SIN3B: variants seen among roughly 807,000 people sequenced by gnomAD.
The protein encoded by SIN3B is SIN3 transcription regulator family member B, also known as paired amphipathic helix protein Sin3b.
Under a neutral mutation model 120.2 loss-of-function variants are expected in SIN3B, and 19 were observed. The ratio of observed to expected loss-of-function variants is 0.16; its 90% CI spans 0.11 to 0.23. The LOEUF (loss-of-function observed/expected upper bound fraction) is 0.23. SIN3B is among the 10% of genes least tolerant of loss of function. SIN3B has a pLI of 1.00. For missense variants in SIN3B, 1,073 were observed against 1,573.0 expected, an observed-to-expected ratio of 0.68 and a Z score of 5.38; for synonymous variants, 654 against 653.2, an observed-to-expected ratio of 1.00 and a Z score of -0.02.
intron 8 of SIN3B, among the ~76,000 whole-genome samples, chr19:16,857,517 A>ACGTG (rs1462562243): frequency 3.2e-5 from 3 of 93,372 alleles, no homozygotes; most frequent in African/African-American, 1.1e-4. Context: ...TAAAAAAAAT[A>ACGTG]TGTGTGTGTG....
chr19:16,830,098 C>T (rs1391794359), intron 2 of SIN3B, among the ~76,000 whole-genome samples: 1 of 152,176 alleles, frequency 6.6e-6, no homozygotes, highest in East Asian at 1.9e-4. Flanking sequence ...GTGGGGATTC[C>T]TGGAAGCAGG....
chr19:16,875,495 CTGGTT>C (rs1178351776), intron 14 of SIN3B, among the ~76,000 whole-genome samples: 2 of 127,914 alleles, frequency 1.6e-5, no homozygotes, highest in African/African-American at 6.2e-5. Context: ...TGGGTCTGGT[CTGGTT>C]TGGTCTGGTC....
At chr19:16,844,553 CAGTT>C (rs1358592858) in intron 4 of SIN3B, among the ~76,000 whole-genome samples, 1 of 152,190 alleles carries the variant, frequency 6.6e-6, no homozygotes, top group Non-Finnish European at 1.5e-5. Context: ...CTGGGATGAA[CAGTT>C]AGTCCTGCCC....
chr19:16,833,122 G>T (rs1175785757), intron 3 of SIN3B, among the ~76,000 whole-genome samples: 2 of 152,160 alleles, frequency 1.3e-5, no homozygotes, highest in South Asian at 4.1e-4. Flanking sequence ...AAGTGGACCA[G>T]CTCTCCCAAC....
rs1188560787 is a variant in SIN3B, at chr19:16,878,712, C to T, written c.3378C>T (p.Arg1126=). The change falls in exon 19 of 19, where the codon CGC becomes CGT. Residue 1126 remains arginine (R), a synonymous_variant. Coordinates refer to ENST00000248054, the MANE Select transcript of SIN3B (RefSeq NM_001297595.2). ...VTRYRVQYSR[R]PASP The stretch of plus-strand genomic sequence containing the variant: ...GCTACCGCGTGCAGTACAGCCGCCG[C>T]CCGGCCTCGCCCTGACCCGCCCTCA... 6.2e-7 allele frequency: 1 copy of T among 1,602,026 alleles called. No individual in the cohort carries two copies. The highest frequency in any genetic ancestry group is 1.7e-5 in the Admixed American group (1 of 58,990).
At chr19:16,857,437 T>G (rs1971629566) in intron 8 of SIN3B, among the ~76,000 whole-genome samples, 2 of 152,100 alleles carry the variant, frequency 1.3e-5, no homozygotes, top group Admixed American at 1.3e-4. Flanking sequence ...GACTTTTTTT[T>G]TTGTTCTAAA....
intron 3 of SIN3B, among the ~76,000 whole-genome samples, chr19:16,837,834 A>G (rs1166580194): frequency 6.6e-6 from 1 of 151,970 alleles, no homozygotes; most frequent in Non-Finnish European, 1.5e-5. Flanking sequence ...CTCTGGGTAA[A>G]AGTGTGGGCC....
chr19:16,833,467 A>T (rs1220296558), intron 3 of SIN3B, among the ~76,000 whole-genome samples: 1 of 151,344 alleles, frequency 6.6e-6, no homozygotes, highest in African/African-American at 2.4e-5. Flanking sequence ...CCCTGTCTCT[A>T]CTAAAAGTAC....
At chr19:16,839,331 G>T (rs908898486) in intron 3 of SIN3B, among the ~76,000 whole-genome samples, 1 of 152,184 alleles carries the variant, frequency 6.6e-6, no homozygotes, top group Non-Finnish European at 1.5e-5. Context: ...CTGGGAGTGG[G>T]ATTACCAGGT....
chr19:16,841,701 G>A, intron 3 of SIN3B, 67 bp from the exon 4 acceptor site: 1 of 1,430,048 alleles, frequency 7.0e-7, no homozygotes, highest in Non-Finnish European at 9.8e-7. Context: ...ACAGTGGCTG[G>A]GCCTGGTGTT....
In SIN3B at chr19:16,862,303, T is replaced by G. The variant is rs1971699167; in HGVS notation, c.1059-49T>G. The G allele has an allele frequency of 3.4e-6, 5 of 1,488,314 alleles. No homozygotes were observed. The East Asian group carries it at 9.1e-5, about 27-fold the overall frequency. The allele number at this position is 1,488,314 out of a possible 1,614,324, so 92.2% of individuals were successfully genotyped here. A position where few individuals can be genotyped will look rare whatever the true frequency, so the allele number is the denominator to read the frequency against. ...CCATTCTAAAATCTCCAGATCCCTCTCAGAAGGCCCTGGGGATGACCAGTT... is the reference window on the plus strand; with the variant it reads ...CCATTCTAAAATCTCCAGATCCCTCGCAGAAGGCCCTGGGGATGACCAGTT... On this transcript the variant is annotated intron_variant, in intron 8 of 18. Transcript: ENST00000248054. The surrounding 1 kb of genome is among the most constrained non-coding windows in gnomAD (Gnocchi z 4.7).
chr19:16,861,828 A>C (rs1435043666), intron 8 of SIN3B, among the ~76,000 whole-genome samples: 6 of 151,638 alleles, frequency 4.0e-5, no homozygotes, highest in African/African-American at 1.5e-4. Flanking sequence ...CCAGCTACTG[A>C]GGAGGCTGCG....
rs749582841 is a variant in SIN3B at position 16,869,852 on chromosome 19, C to G, written c.2199C>G (p.His733Gln). Reference sequence around the variant, plus strand: ...CACCCCTGCCGCCCCCAGCCCCGCACAAGCCCCTGGACGATGTCTACAGCC... The same window carrying G: ...CACCCCTGCCGCCCCCAGCCCCGCAGAAGCCCCTGGACGATGTCTACAGCC... ...EQPPLPPPAP[H>Q]KPLDDVYSLF... is the part of the protein sequence containing the mutation. The change falls in exon 13 of 19, where the codon CAC (histidine) becomes CAG (glutamine). Residue 733 changes from histidine to glutamine, a missense_variant. Coordinates refer to ENST00000248054, the MANE Select transcript of SIN3B (RefSeq NM_001297595.2). 9.3e-6 allele frequency: 15 copies of G among 1,614,186 alleles called. No homozygotes were observed. The South Asian group carries it at 1.5e-4, about 17-fold the overall frequency.
intron 7 of SIN3B, among the ~76,000 whole-genome samples, 192 bp from the exon 8 acceptor site, chr19:16,853,951 A>G (rs911209274): frequency 6.6e-6 from 1 of 150,694 alleles, no homozygotes; most frequent in African/African-American, 2.4e-5. Flanking sequence ...TGCTGCATGG[A>G]TCACCTGCAC....
chr19:16,840,727 A>G (rs562377959), intron 3 of SIN3B, among the ~76,000 whole-genome samples: 1 of 152,272 alleles, frequency 6.6e-6, no homozygotes, highest in African/African-American at 2.4e-5. Context: ...GATCATCCCC[A>G]ACAGTGGGTG....
chr19:16,851,315 A>G, intron 5 of SIN3B, 97 bp from the exon 6 acceptor site: 1 of 1,433,066 alleles, frequency 7.0e-7, no homozygotes, highest in African/African-American at 1.5e-5. Flanking sequence ...ACCATTGCCC[A>G]CCGGGCTGTG....
In SIN3B at chr19:16,880,142, G is replaced by A. The variant is rs2051675539; in HGVS notation, c.*1415G>A. On this transcript the variant is annotated 3_prime_UTR_variant, in exon 19 of 19. Coordinates refer to ENST00000248054, the MANE Select transcript of SIN3B (RefSeq NM_001297595.2). Reference sequence around the variant, plus strand: ...CCTGTACCAGGCCCACGGCCGTCTCGGGCAGAGCCACCTGGGCCCCGGGTG... The same window carrying A: ...CCTGTACCAGGCCCACGGCCGTCTCAGGCAGAGCCACCTGGGCCCCGGGTG... The A allele has an allele frequency of 6.6e-6, 1 of 152,190 alleles. No homozygotes were observed. The highest frequency in any genetic ancestry group is 6.5e-5 in the Admixed American group (1 of 15,286). 9.4% of individuals were successfully genotyped at this position (152,190 alleles called of 1,614,324 possible).
chr19:16,863,863 C>T lies in SIN3B; in HGVS notation c.1383+67C>T, dbSNP rs576241793. The T allele has an allele frequency of 1.0e-4, 111 of 1,087,614 alleles. 1 individual carries two copies. The South Asian group carries it at 1.4e-3, about 13-fold the overall frequency. 67.4% of individuals were successfully genotyped at this position (1,087,614 alleles called of 1,614,324 possible). On this transcript the variant is annotated intron_variant, in intron 10 of 18. Coordinates refer to ENST00000248054, the MANE Select transcript of SIN3B (RefSeq NM_001297595.2). ...TTCCCCTTCTCCATGGGACATGCAT[C>T]CTGATCCTCCTCCACTGCCCCAGTC...
chr19:16,848,244 T>C (rs1437732083), intron 5 of SIN3B, among the ~76,000 whole-genome samples: 1 of 152,166 alleles, frequency 6.6e-6, no homozygotes, highest in Non-Finnish European at 1.5e-5. Flanking sequence ...AACACCTGTT[T>C]TCAGTTCTTT....
Sources: gnomAD v4.1 joint callset for allele counts (sites outside exome capture counted in the v4.1 genomes callset) on GRCh38, gnomAD v4.1.1 for gene constraint, Gnocchi (gnomAD v3.1) non-coding constraint, MANE v1.5 for transcripts, NCBI Gene and HGNC (gene_info 2026-07-23, HGNC 2026-07-21) for gene names.